The following MIS18BP1 variants were observed in gnomAD, a reference collection of about 807,000 sequenced individuals.
MIS18BP1 encodes the protein mis18-binding protein 1.
MIS18BP1 carries 72 observed loss-of-function variants against 116.1 expected under a neutral mutation model. The ratio of observed to expected loss-of-function variants is 0.62; its 90% CI spans 0.51 to 0.75. MIS18BP1 has a LOEUF of 0.75. Ranked by LOEUF, MIS18BP1 falls within the 30% of genes least tolerant of loss-of-function variation. The pLI is 0.00. For missense variants in MIS18BP1, 1,363 were observed against 1,303.2 expected (o/e 1.05, Z -0.71); for synonymous variants, 386 against 427.0 (o/e 0.90, Z 1.18).
chr14:45,244,728 A>G (rs1186465962), intron 2 of MIS18BP1, among the ~76,000 whole-genome samples: 3 of 152,036 alleles, frequency 2.0e-5, no homozygotes, highest in Admixed American at 1.3e-4. Context: ...TCAAATCTCT[A>G]CCTCCTCAAA....
intron 13 of MIS18BP1, 55 bp from the exon 14 acceptor site, chr14:45,210,583 T>A: frequency 6.3e-7 from 1 of 1,591,164 alleles, no homozygotes; most frequent in African/African-American, 1.4e-5. Flanking sequence ...ATTTTCTCAT[T>A]ATCACAAAAT....
intron 13 of MIS18BP1, among the ~76,000 whole-genome samples, chr14:45,213,405 A>AACAAGG (rs1284879172): frequency 2.6e-5 from 4 of 152,236 alleles, no homozygotes; most frequent in African/African-American, 9.6e-5. Flanking sequence ...AAGGTCAAGG[A>AACAAGG]ACAAGGACAA....
At chr14:45,225,068 A>G (rs571602814) in intron 10 of MIS18BP1, among the ~76,000 whole-genome samples, 48 of 152,258 alleles carry the variant, frequency 3.2e-4, no homozygotes, top group African/African-American at 1.1e-3. Flanking sequence ...ACTATATTCT[A>G]TGTTCAGAAC....
At chr14:45,220,102 T>TC (rs1458601851) in intron 11 of MIS18BP1, among the ~76,000 whole-genome samples, 2 of 140,212 alleles carry the variant, frequency 1.4e-5, no homozygotes, top group East Asian at 4.0e-4. Flanking sequence ...TATTTACCTT[T>TC]CTTTTTTTTT....
chr14:45,214,596 T>C (rs1218584819), intron 13 of MIS18BP1, among the ~76,000 whole-genome samples: 1 of 152,286 alleles, frequency 6.6e-6, no homozygotes. Flanking sequence ...CTTTTGTTTC[T>C]CTATACTTTG....
chr14:45,226,906 T>C (rs945423915), intron 9 of MIS18BP1, 70 bp from the exon 10 acceptor site: 2 of 1,184,060 alleles, frequency 1.7e-6, no homozygotes, highest in African/African-American at 3.2e-5. Flanking sequence ...AGCATTTTCA[T>C]AGTATGCATC....
intron 8 of MIS18BP1, among the ~76,000 whole-genome samples, chr14:45,230,193 AT>A (rs2139200569): frequency 1.3e-5 from 2 of 152,328 alleles, no homozygotes; most frequent in Non-Finnish European, 2.9e-5. Flanking sequence ...TTTACAACAT[AT>A]TTTAGTAACT....
intron 13 of MIS18BP1, among the ~76,000 whole-genome samples, chr14:45,211,039 CTT>C (rs1594499369): frequency 6.6e-6 from 1 of 152,132 alleles, no homozygotes; most frequent in Admixed American, 6.5e-5. Context: ...TGTTTTAAAA[CTT>C]TTTTCTTTCT....
Position 45,224,180 on chromosome 14 carries a change from G to A in MIS18BP1, c.2407C>T (p.Leu803=), listed in dbSNP as rs745672209. 9 of 1,613,840 alleles carry A rather than the reference G, an allele frequency of 5.6e-6. No homozygotes were observed. In the African/African-American group the frequency reaches 1.1e-4, roughly 19 times the overall value. Residue 803 remains leucine, a synonymous_variant, in exon 11 of 17, where the codon CTG becomes TTG. Coordinates refer to ENST00000310806, the MANE Select transcript of MIS18BP1 (RefSeq NM_018353.5). The stretch of plus-strand genomic sequence containing the variant: ...CTTGTGTTTCTTGTGCTCTTTCTCA[G>A]GTGAACCACTGCTTCTTTGGTGTTT... ...AGNTKEAVVH[L]RKSTRNTSNI... is the part of the protein sequence containing the mutation.
At chr14:45,207,710 T>C (rs1311758139) in intron 14 of MIS18BP1, among the ~76,000 whole-genome samples, 3 of 152,310 alleles carry the variant, frequency 2.0e-5, no homozygotes, top group Admixed American at 2.0e-4. Flanking sequence ...AAGTCTATTA[T>C]CAAAGAGATG....
intron 16 of MIS18BP1, 27 bp from the exon 17 acceptor site, chr14:45,204,239 T>G: frequency 6.4e-7 from 1 of 1,568,498 alleles, no homozygotes; most frequent in Non-Finnish European, 8.6e-7. Flanking sequence ...AATAAAAAGA[T>G]AATAAATTTC....
intron 8 of MIS18BP1, among the ~76,000 whole-genome samples, chr14:45,228,988 C>T (rs1047507547): frequency 3.3e-5 from 5 of 151,520 alleles, no homozygotes; most frequent in African/African-American, 1.2e-4. Context: ...TAATAACAGC[C>T]CCAACCACCA....
chr14:45,208,622 G>A (rs1165248523), intron 14 of MIS18BP1, among the ~76,000 whole-genome samples: 2 of 152,172 alleles, frequency 1.3e-5, no homozygotes, highest in Non-Finnish European at 2.9e-5. Context: ...GTGAGCTACC[G>A]CGCCCGGCCA....
intron 2 of MIS18BP1, among the ~76,000 whole-genome samples, chr14:45,243,643 T>C (rs1475454315): frequency 6.6e-6 from 1 of 152,138 alleles, no homozygotes; most frequent in South Asian, 2.1e-4. Flanking sequence ...GTATGCCACT[T>C]TGGTCTCAGA....
Position 45,242,293 on chromosome 14 carries a change from A to G in MIS18BP1, c.884T>C (p.Ile295Thr), listed in dbSNP as rs1891599685. 4 of 1,614,054 alleles carry G rather than the reference A, an allele frequency of 2.5e-6. No homozygotes were observed. The highest frequency in any genetic ancestry group is 3.4e-6 in the Non-Finnish European group (4 of 1,180,002). Residue 295 changes from isoleucine to threonine, a missense_variant, in exon 4 of 17, where the codon ATT (isoleucine) becomes ACT (threonine). Transcript: ENST00000310806. ...AACCATTAACAGGCTGCCATTTTTA[A>G]TAGGAATACAATTAGTACTGAGAGT... ...AETLSTNCIP[I>T]KNGSLLMVSD...
intron 14 of MIS18BP1, among the ~76,000 whole-genome samples, chr14:45,207,209 T>C (rs761709330): frequency 2.6e-5 from 4 of 152,194 alleles, no homozygotes; most frequent in Non-Finnish European, 4.4e-5. Flanking sequence ...CCATACTCTC[T>C]CTTGGCTCTA....
At chr14:45,245,144 T>G (rs944036805) in intron 2 of MIS18BP1, among the ~76,000 whole-genome samples, 1 of 152,206 alleles carries the variant, frequency 6.6e-6, no homozygotes. Flanking sequence ...ATGTTTTCGT[T>G]GCTACCATTC....
At chr14:45,223,179 A>G (rs1238622373) in intron 11 of MIS18BP1, among the ~76,000 whole-genome samples, 1 of 152,204 alleles carries the variant, frequency 6.6e-6, no homozygotes, top group African/African-American at 2.4e-5. Flanking sequence ...CTCAACCCAG[A>G]ACTGGAGAGC....
intron 14 of MIS18BP1, among the ~76,000 whole-genome samples, chr14:45,209,390 C>G (rs545002947): frequency 2.0e-5 from 3 of 151,980 alleles, no homozygotes; most frequent in Non-Finnish European, 4.4e-5. Context: ...GCAATTGTTG[C>G]AATCACAGCT....
Sources: gnomAD v4.1 joint callset for allele counts (sites outside exome capture counted in the v4.1 genomes callset) on GRCh38, gnomAD v4.1.1 for gene constraint, MANE v1.5 for transcripts, NCBI Gene and HGNC (gene_info 2026-07-23, HGNC 2026-07-21) for gene names.